The following ASAP1 variants were observed in gnomAD, a reference collection of about 807,000 sequenced individuals.
ASAP1 encodes ArfGAP with SH3 domain, ankyrin repeat and PH domain 1.
In ASAP1, 43 loss-of-function variants were observed where a neutral mutation model predicts 145.2. The ratio of observed to expected loss-of-function variants is 0.30; its 90% CI spans 0.23 to 0.38. The LOEUF (loss-of-function observed/expected upper bound fraction) is 0.38. Among genes scored for constraint, ASAP1 ranks in the 10% least tolerant of loss-of-function variants. ASAP1 has a pLI of 1.00. For missense variants in ASAP1, 1,018 were observed against 1,355.3 expected, an observed-to-expected ratio of 0.75 and a Z score of 3.91; for synonymous variants, 546 against 515.5, an observed-to-expected ratio of 1.06 and a Z score of -0.80.
At chr8:130,072,728 G>C (rs2097449668) in intron 27 of ASAP1, among the ~76,000 whole-genome samples, 1 of 151,236 alleles carries the variant, frequency 6.6e-6, no homozygotes, top group Admixed American at 6.6e-5. Context: ...CAAAGAGGGA[G>C]TTGTAGGAGC....
At chr8:130,063,100 GA>G (rs573650225) in intron 27 of ASAP1, among the ~76,000 whole-genome samples, 105 of 151,956 alleles carry the variant, frequency 6.9e-4, no homozygotes, top group African/African-American at 2.2e-3. Flanking sequence ...GAAGAGCAGA[GA>G]AAAAAAAGAT....
intron 2 of ASAP1, among the ~76,000 whole-genome samples, chr8:130,367,217 AT>A (rs1233852061): frequency 6.6e-6 from 1 of 152,142 alleles, no homozygotes; most frequent in Non-Finnish European, 1.5e-5. Context: ...CCAAAAATAA[AT>A]TTTAAAACAT....
intron 3 of ASAP1, among the ~76,000 whole-genome samples, chr8:130,252,723 C>T (rs961803762): frequency 1.3e-5 from 2 of 152,280 alleles, no homozygotes; most frequent in African/African-American, 4.8e-5. Context: ...AGCACCATGG[C>T]TTGTTCATCT....
At chr8:130,406,504 C>T (rs551551866) in intron 1 of ASAP1, among the ~76,000 whole-genome samples, 2 of 148,824 alleles carry the variant, frequency 1.3e-5, no homozygotes, top group South Asian at 2.1e-4. Context: ...GACAGAGTCT[C>T]GCTGTGTCAC....
chr8:130,180,899 T>C lies in ASAP1; in HGVS notation c.531-19A>G, dbSNP rs749608035. The C allele has an allele frequency of 3.3e-6, 5 of 1,530,044 alleles. No individual in the cohort carries two copies. Among genetic ancestry groups the C allele is most frequent in the East Asian group, 4.7e-5 (2 of 42,474 alleles). 94.8% of individuals were successfully genotyped at this position (1,530,044 alleles called of 1,614,324 possible). ...TTTTGTACTGTAATTAAAGCCAATG[T>C]CATTATTTAAAAAAAAAAAATACAC... On this transcript the variant is annotated intron_variant, in intron 7 of 29. Coordinates refer to ENST00000518721, the MANE Select transcript of ASAP1 (RefSeq NM_018482.4).
At chr8:130,176,840 G>C (rs554563249) in intron 9 of ASAP1, among the ~76,000 whole-genome samples, 2 of 151,990 alleles carry the variant, frequency 1.3e-5, no homozygotes, top group African/African-American at 4.8e-5. Context: ...ACAGGTATGC[G>C]CAACCACACC....
chr8:130,100,405 C>T (rs1470999740), intron 24 of ASAP1, among the ~76,000 whole-genome samples: 1 of 152,086 alleles, frequency 6.6e-6, no homozygotes, highest in Non-Finnish European at 1.5e-5. Context: ...TCTCGGCTCA[C>T]TGCAACCTCC....
chr8:130,062,439 C>A (rs1038462933), intron 27 of ASAP1, among the ~76,000 whole-genome samples: 12 of 152,210 alleles, frequency 7.9e-5, no homozygotes. Context: ...GGTCCCTAAG[C>A]TTCTGCTGAG....
intron 17 of ASAP1, 105 bp from the exon 18 acceptor site, chr8:130,124,209 A>G (rs2135711330): frequency 2.4e-6 from 2 of 842,594 alleles, no homozygotes; most frequent in Middle Eastern, 7.0e-4. Flanking sequence ...ATTTTCCCTC[A>G]TTTGACTTAG....
intron 1 of ASAP1, among the ~76,000 whole-genome samples, chr8:130,438,395 G>A (rs72726229): frequency 0.035 from 5,273 of 152,266 alleles, 123 homozygotes; most frequent in Middle Eastern, 0.082. Context: ...CTCTCCTGGG[G>A]CCAATGGCCT....
intron 25 of ASAP1, among the ~76,000 whole-genome samples, chr8:130,089,897 T>C (rs1302168975): frequency 1.3e-5 from 2 of 152,302 alleles, no homozygotes; most frequent in East Asian, 1.9e-4. Flanking sequence ...CAAAAGTCCA[T>C]GCCATGTGGC....
chr8:130,376,093 C>T (rs1457979989), intron 2 of ASAP1, among the ~76,000 whole-genome samples: 1 of 152,174 alleles, frequency 6.6e-6, no homozygotes, highest in Admixed American at 6.5e-5. Context: ...ATGTGGGCTC[C>T]CAGATGCACA....
intron 3 of ASAP1, among the ~76,000 whole-genome samples, chr8:130,313,310 A>G (rs1433475911): frequency 2.0e-5 from 3 of 152,160 alleles, no homozygotes; most frequent in Non-Finnish European, 4.4e-5. Flanking sequence ...ACCGTTTAAA[A>G]AAAAAAAAAA....
intron 3 of ASAP1, among the ~76,000 whole-genome samples, chr8:130,299,729 CAG>C (rs1370578525): frequency 5.9e-5 from 9 of 152,190 alleles, no homozygotes; most frequent in East Asian, 1.9e-4. Flanking sequence ...CTTTCCAGCA[CAG>C]AGTTAAGTGA....
chr8:130,179,115 C>A, intron 9 of ASAP1, 149 bp downstream of exon 9: 1 of 522,970 alleles, frequency 1.9e-6, no homozygotes, highest in South Asian at 2.9e-5. Context: ...ATGGAAGACA[C>A]TATTTCTTAT....
intron 2 of ASAP1, among the ~76,000 whole-genome samples, chr8:130,370,262 G>A (rs1269137291): frequency 1.3e-5 from 2 of 152,138 alleles, no homozygotes; most frequent in East Asian, 1.9e-4. Context: ...AGATCACACC[G>A]TTGCATTCCA....
chr8:130,118,750 C>A (rs1014987057), intron 18 of ASAP1, 75 bp from the exon 19 acceptor site: 6 of 1,111,348 alleles, frequency 5.4e-6, no homozygotes, highest in Admixed American at 3.3e-5. Context: ...ACAAACATTT[C>A]TCTTTGAGAA....
chr8:130,063,569 C>T (rs2097423825), intron 27 of ASAP1, among the ~76,000 whole-genome samples: 1 of 152,120 alleles, frequency 6.6e-6, no homozygotes, highest in Non-Finnish European at 1.5e-5. Flanking sequence ...GACTACAGGG[C>T]AGGGAAAGAG....
intron 1 of ASAP1, among the ~76,000 whole-genome samples, chr8:130,415,634 A>G (rs1587003623): frequency 1.3e-5 from 2 of 152,248 alleles, no homozygotes; most frequent in African/African-American, 4.8e-5. Context: ...CGAAAAATAC[A>G]AAAATTAGCC....
Sources: gnomAD v4.1 joint callset for allele counts (sites outside exome capture counted in the v4.1 genomes callset) on GRCh38, gnomAD v4.1.1 for gene constraint, MANE v1.5 for transcripts, NCBI Gene and HGNC (gene_info 2026-07-23, HGNC 2026-07-21) for gene names.